PLA2R1: variants seen among roughly 807,000 people sequenced by gnomAD.
The protein encoded by PLA2R1 is secretory phospholipase A2 receptor.
A neutral mutation model predicts 195.9 loss-of-function variants in PLA2R1; 158 were observed. The ratio of observed to expected loss-of-function variants is 0.81; its 90% CI spans 0.71 to 0.92. The LOEUF is 0.92. Among genes scored for constraint, PLA2R1 ranks in the 40% least tolerant of loss-of-function variants. The pLI, the probability that PLA2R1 is intolerant of heterozygous loss-of-function variation, is 0.00. For missense variants in PLA2R1, 1,626 were observed against 1,764.6 expected, an observed-to-expected ratio of 0.92 and a Z score of 1.41; for synonymous variants, 586 against 598.2, an observed-to-expected ratio of 0.98 and a Z score of 0.30.
intron 13 of PLA2R1, among the ~76,000 whole-genome samples, chr2:159,981,838 G>T (rs1366782122): frequency 2.0e-5 from 3 of 152,172 alleles, no homozygotes; most frequent in Non-Finnish European, 4.4e-5. Context: ...ACCACACCCA[G>T]CTAATTTTGA....
intron 13 of PLA2R1, among the ~76,000 whole-genome samples, chr2:159,981,403 G>T (rs1456434920): frequency 6.6e-6 from 1 of 152,056 alleles, no homozygotes; most frequent in Non-Finnish European, 1.5e-5. Flanking sequence ...AACATACACA[G>T]TTATTGATAA....
rs1205724235 is a variant in PLA2R1 at position 159,946,888 on chromosome 2, C to A, written c.3880G>T (p.Ala1294Ser). The A allele has an allele frequency of 1.2e-6, 2 of 1,609,394 alleles. No individual in the cohort carries two copies. The highest frequency in any genetic ancestry group is 8.5e-7 in the Non-Finnish European group (1 of 1,177,924). Residue 1294 changes from alanine (A) to serine (S), a missense_variant, in exon 27 of 30, where the codon GCT becomes TCT. Coordinates refer to ENST00000283243, the MANE Select transcript of PLA2R1 (RefSeq NM_007366.5). ...TCTTCTAGGAGAAATGCATTTTCAG[C>A]CTCATCCTTGATTGTTAAAAGATTA... The part of the protein sequence containing the change: ...GSNLLTIKDE[A>S]ENAFLLEELF...
At chr2:159,943,032 C>T (rs958544879) in intron 28 of PLA2R1, among the ~76,000 whole-genome samples, 8 of 148,954 alleles carry the variant, frequency 5.4e-5, no homozygotes, top group South Asian at 2.1e-4. Context: ...AGTACAATGG[C>T]GTGATCTCGG....
Position 159,941,943 on chromosome 2 carries a change from G to A in PLA2R1, c.4227C>T (p.Val1409=), listed in dbSNP as rs1398318373. The A allele has an allele frequency of 3.1e-6, 5 of 1,613,750 alleles. No individual in the cohort carries two copies. Among genetic ancestry groups the A allele is most frequent in the East Asian group, 2.2e-5 (1 of 44,876 alleles). The part of the protein sequence containing the change: ...IPLAVVLTLI[V]IVAICTLSFC... ...AGGAAAGTGTGCAAATGGCCACAAT[G>A]ACTATCAGTGTCAGTACAACCGCAA... Residue 1409 remains valine (V), a synonymous_variant, in exon 30 of 30, where the codon GTC becomes GTT. Transcript: ENST00000283243.
At position 160,016,660 on chromosome 2, in the gene PLA2R1, T is replaced by C. The variant is rs1692790827; in HGVS notation, c.1505A>G (p.Lys502Arg). The change falls in exon 9 of 30, where the codon AAA becomes AGA. Residue 502 changes from lysine (K) to arginine (R), a missense_variant. Physicochemically the swap from Lys to Arg is conservative, Grantham distance 26. Coordinates refer to ENST00000283243, the MANE Select transcript of PLA2R1 (RefSeq NM_007366.5). ...ATCAGAGAGGACATGGCCTGCTTTTTTACAAATGTAAAAAAGTCTTTCTTC... is the reference window on the plus strand; with the variant it reads ...ATCAGAGAGGACATGGCCTGCTTTTCTACAAATGTAAAAAAGTCTTTCTTC... The part of the protein sequence containing the change: ...NCEERLFYIC[K>R]KAGHVLSDAE... The C allele has an allele frequency of 6.2e-7, 1 of 1,610,866 alleles. No homozygotes were observed. Among genetic ancestry groups the C allele is most frequent in the Admixed American group, 1.7e-5 (1 of 59,988 alleles).
chr2:159,967,055 A>G (rs1688834879), intron 20 of PLA2R1, among the ~76,000 whole-genome samples: 1 of 152,154 alleles, frequency 6.6e-6, no homozygotes, highest in Non-Finnish European at 1.5e-5. Flanking sequence ...GCAGAGCTCT[A>G]TGCCGGCTCC....
At chr2:160,050,673 T>C (rs1695162317) in intron 1 of PLA2R1, among the ~76,000 whole-genome samples, 1 of 152,192 alleles carries the variant, frequency 6.6e-6, no homozygotes. Context: ...AGGATATATA[T>C]GTCATAGTGT....
chr2:160,038,462 A>G (rs1045939581), intron 3 of PLA2R1, among the ~76,000 whole-genome samples: 2 of 152,170 alleles, frequency 1.3e-5, no homozygotes, highest in Admixed American at 6.5e-5. Context: ...ACTGAGATAC[A>G]GGTTGGAGAA....
chr2:159,957,955 T>C (rs1477511847), intron 20 of PLA2R1, among the ~76,000 whole-genome samples: 1 of 152,204 alleles, frequency 6.6e-6, no homozygotes, highest in Non-Finnish European at 1.5e-5. Context: ...TAGTCATTGA[T>C]AGATCAGATC....
intron 19 of PLA2R1, 138 bp from the exon 20 acceptor site, chr2:159,967,816 T>C (rs985463683): frequency 7.9e-6 from 5 of 630,482 alleles, no homozygotes; most frequent in Non-Finnish European, 1.2e-5. Context: ...ACTAAACTAC[T>C]GATCTTAGAT....
At position 159,946,861 on chromosome 2, in the gene PLA2R1, G is replaced by A. The variant is rs765401115; in HGVS notation, c.3907C>T (p.Leu1303=). 4.3e-6 allele frequency: 7 copies of A among 1,611,424 alleles called. No homozygotes were observed. The Admixed American group carries it at 1.2e-4, about 27-fold the overall frequency. The part of the protein sequence containing the change: ...EAENAFLLEE[L]FAFGSSVQMV... ...TGGACAGAAGAACCAAAAGCAAACA[G>A]CTCTTCTAGGAGAAATGCATTTTCA... The change falls in exon 27 of 30, where the codon CTG becomes TTG. Residue 1303 remains leucine, a synonymous_variant. Transcript: ENST00000283243.
chr2:159,983,315 A>G (rs1280983833), intron 13 of PLA2R1, among the ~76,000 whole-genome samples: 1 of 152,182 alleles, frequency 6.6e-6, no homozygotes, highest in Non-Finnish European at 1.5e-5. Context: ...AGTTCTTACA[A>G]TTTAAGCTTG....
intron 26 of PLA2R1, 93 bp from the exon 27 acceptor site, chr2:159,947,010 GT>G: frequency 1.2e-6 from 1 of 800,356 alleles, no homozygotes; most frequent in African/African-American, 1.8e-5. Flanking sequence ...TAAAGCTCAG[GT>G]TTTGAAAAGT....
rs547483787 is a variant in PLA2R1 at position 160,010,349 on chromosome 2, G to A, written c.1664+2914C>T. Among the ~76,000 whole-genome samples, 10 of 152,286 alleles carry A rather than the reference G, an allele frequency of 6.6e-5. No homozygotes were observed. In the East Asian group the frequency reaches 1.9e-3, roughly 29 times the overall value. On this transcript the variant is annotated intron_variant, in intron 10 of 29. Transcript: ENST00000283243. ...AAGTGGCCAGGCCTGAAAAAATTTT[G>A]TAACAATCAGCAAGCAAACAAAAAT...
chr2:159,967,720 C>A (rs776115148), intron 19 of PLA2R1, 42 bp from the exon 20 acceptor site: 5 of 1,575,712 alleles, frequency 3.2e-6, no homozygotes, highest in Non-Finnish European at 4.3e-6. Flanking sequence ...GGAACAATGG[C>A]GATTCTTTGA....
At position 160,022,834 on chromosome 2, in the gene PLA2R1, A is replaced by G. The variant is rs1243895850; in HGVS notation, c.1125T>C (p.Ala375=). The change falls in exon 7 of 30, where the codon GCT becomes GCC. Residue 375 remains alanine (A), a synonymous_variant. Coordinates refer to ENST00000283243, the MANE Select transcript of PLA2R1 (RefSeq NM_007366.5). ...IVEKDAWKYY[A]THCEPGWNPY... is the part of the protein sequence containing the mutation. The stretch of plus-strand genomic sequence containing the variant: ...GATTCCAGCCAGGCTCACAGTGGGT[A>G]GCATAATATTTCCACGCATCTTTTT... The G allele has an allele frequency of 2.5e-6, 4 of 1,600,448 alleles. No individual in the cohort carries two copies. The highest frequency in any genetic ancestry group is 2.6e-6 in the Non-Finnish European group (3 of 1,175,184).
rs1275867767 is a variant in PLA2R1, at chr2:159,938,667, G to A, written c.*3111C>T. Reference sequence around the variant, plus strand: ...TGCCAGCAGAATTCCCAGGAGTGAGGCCAGACAGCTATTCTCAGTGGACAC... The same window carrying A: ...TGCCAGCAGAATTCCCAGGAGTGAGACCAGACAGCTATTCTCAGTGGACAC... On this transcript the variant is annotated 3_prime_UTR_variant, in exon 30 of 30. Coordinates refer to ENST00000283243, the MANE Select transcript of PLA2R1 (RefSeq NM_007366.5). The A allele has an allele frequency of 1.3e-5, 2 of 152,326 alleles. No individual in the cohort carries two copies. The highest frequency in any genetic ancestry group is 4.8e-5 in the African/African-American group (2 of 41,434). The allele number at this position is 152,326 out of a possible 1,614,324, so 9.4% of individuals were successfully genotyped here. A position where few individuals can be genotyped will look rare whatever the true frequency, so the allele number is the denominator to read the frequency against.
chr2:159,978,634 T>C (rs1189790314), intron 14 of PLA2R1, among the ~76,000 whole-genome samples: 3 of 152,176 alleles, frequency 2.0e-5, no homozygotes, highest in East Asian at 1.9e-4. Flanking sequence ...GAGTGCTACA[T>C]TGACTTGAAC....
intron 2 of PLA2R1, among the ~76,000 whole-genome samples, chr2:160,042,818 T>C (rs1194568379): frequency 2.7e-5 from 3 of 112,222 alleles, no homozygotes; most frequent in African/African-American, 5.6e-5. Context: ...TGTGTGTGTG[T>C]GTGTGTGTGT....
Sources: allele counts gnomAD v4.1 joint callset (sites outside exome capture counted in the v4.1 genomes callset), GRCh38; gene constraint gnomAD v4.1.1; transcripts MANE v1.5; gene names NCBI Gene and HGNC (gene_info 2026-07-23, HGNC 2026-07-21).